The following OR3A2 variants were observed in gnomAD, a reference collection of about 807,000 sequenced individuals.
The protein encoded by OR3A2 is olfactory receptor 3A2.
For synonymous variants in OR3A2, 126 were observed against 159.3 expected (o/e 0.79, Z 1.57); for missense variants, 318 against 392.8 (o/e 0.81, Z 1.61).
At position 3,360,265 on chromosome 17, in the gene OR3A2, G is replaced by GT. The variant is rs1567567563; in HGVS notation, c.-179+23538dup. On this transcript the variant is annotated intron_variant, in intron 2 of 4. Transcript: ENST00000573491. ...TATCCTTCGCCCACTTTTTGATGGG[G>GT]TTGTTTTTTTCTTGTAAATTTGTTT... is the stretch of plus-strand genomic sequence containing the variant. Among the ~76,000 whole-genome samples, 58 of 150,740 alleles carry GT rather than the reference G, an allele frequency of 3.8e-4. 2 individuals carry two copies. Among genetic ancestry groups the GT allele is most frequent in the Middle Eastern group, 3.4e-3 (1 of 294 alleles).
intron 2 of OR3A2, among the ~76,000 whole-genome samples, chr17:3,350,588 G>A (rs1408893774): frequency 1.3e-4 from 19 of 150,194 alleles, no homozygotes; most frequent in South Asian, 4.2e-4. Context: ...ATTCACAGCC[G>A]AATTCTACCA....
chr17:3,296,339 T>C (rs2048917867), intron 3 of OR3A2, among the ~76,000 whole-genome samples: 1 of 152,084 alleles, frequency 6.6e-6, no homozygotes, highest in South Asian at 2.1e-4. Context: ...ATTAAATCAG[T>C]GTTCAGAAAA....
chr17:3,369,805 C>CTTTTTTTTT (rs35233474), intron 2 of OR3A2, among the ~76,000 whole-genome samples: 1 of 134,698 alleles, frequency 7.4e-6, no homozygotes, highest in African/African-American at 2.8e-5. Context: ...TAGATTGGTA[C>CTTTTTTTTT]TTTTTTTTTT....
At chr17:3,364,406 A>G (rs1034227634) in intron 2 of OR3A2, among the ~76,000 whole-genome samples, 3 of 152,170 alleles carry the variant, frequency 2.0e-5, no homozygotes, top group African/African-American at 7.2e-5. Flanking sequence ...GCTATTATTA[A>G]TTATGGTCCA....
At chr17:3,371,567 G>C (rs1195076741) in intron 2 of OR3A2, among the ~76,000 whole-genome samples, 2 of 141,882 alleles carry the variant, frequency 1.4e-5, no homozygotes, top group Admixed American at 6.9e-5. Flanking sequence ...CCGGGCGGGG[G>C]GCTGATTCCC....
chr17:3,385,708 G>A (rs753920593), intron 1 of OR3A2, among the ~76,000 whole-genome samples: 4 of 152,138 alleles, frequency 2.6e-5, no homozygotes, highest in Non-Finnish European at 5.9e-5. Flanking sequence ...TACCCACTAC[G>A]CTAGAACACT....
intron 3 of OR3A2, among the ~76,000 whole-genome samples, chr17:3,305,435 A>G (rs1294617064): frequency 6.6e-6 from 1 of 152,216 alleles, no homozygotes; most frequent in Admixed American, 6.5e-5. Flanking sequence ...AGTAATTTTT[A>G]CTTTTGTCAT....
At chr17:3,357,510 C>G (rs576696419) in intron 2 of OR3A2, among the ~76,000 whole-genome samples, 1 of 151,538 alleles carries the variant, frequency 6.6e-6, no homozygotes, top group Admixed American at 6.6e-5. Context: ...CTAGAATAGT[C>G]AAACTCAAAG....
chr17:3,312,749 C>G (rs909293442), intron 3 of OR3A2, among the ~76,000 whole-genome samples: 4 of 152,110 alleles, frequency 2.6e-5, no homozygotes, highest in African/African-American at 9.7e-5. Context: ...CTTAGCCTCC[C>G]GATAGCTGGG....
chr17:3,327,802 ATT>A (rs2049190174), intron 3 of OR3A2, among the ~76,000 whole-genome samples: 1 of 139,198 alleles, frequency 7.2e-6, no homozygotes, highest in African/African-American at 2.9e-5. Context: ...AGCACCATTT[ATT>A]AAATAGGGAA....
intron 2 of OR3A2, among the ~76,000 whole-genome samples, chr17:3,379,142 G>A (rs1223016728): frequency 6.6e-6 from 1 of 152,178 alleles, no homozygotes; most frequent in Non-Finnish European, 1.5e-5. Flanking sequence ...TCAAGCTAGA[G>A]AAGTTCATTC....
intron 2 of OR3A2, among the ~76,000 whole-genome samples, chr17:3,347,024 TATTG>T (rs2049370292): frequency 2.6e-5 from 4 of 152,312 alleles, no homozygotes; most frequent in South Asian, 2.1e-4. Flanking sequence ...CTCTTTGATA[TATTG>T]ATTTTCTTTC....
At chr17:3,370,013 A>G (rs1381914655) in intron 2 of OR3A2, among the ~76,000 whole-genome samples, 5 of 152,088 alleles carry the variant, frequency 3.3e-5, no homozygotes, top group African/African-American at 1.2e-4. Context: ...CATGTTGCCC[A>G]GGCTGGTCTC....
At chr17:3,366,964 G>A (rs986678219) in intron 2 of OR3A2, among the ~76,000 whole-genome samples, 2 of 152,170 alleles carry the variant, frequency 1.3e-5, no homozygotes, top group African/African-American at 2.4e-5. Context: ...ATAAGCCAGG[G>A]AGTGAGATTA....
intron 2 of OR3A2, among the ~76,000 whole-genome samples, chr17:3,359,387 G>A (rs2049490530): frequency 6.6e-6 from 1 of 151,670 alleles, no homozygotes; most frequent in South Asian, 2.1e-4. Context: ...GTGTGTTTAA[G>A]TATGTTTTTG....
intron 3 of OR3A2, chr17:3,298,164 G>C (rs1029223482): frequency 6.6e-6 from 1 of 152,136 alleles, no homozygotes; most frequent in African/African-American, 2.4e-5. Context: ...GGCTAGAAGA[G>C]TACACCCCAC....
chr17:3,366,493 A>G (rs1050500491), intron 2 of OR3A2, among the ~76,000 whole-genome samples: 2 of 152,232 alleles, frequency 1.3e-5, no homozygotes, highest in Non-Finnish European at 2.9e-5. Flanking sequence ...AAAGCTTGGA[A>G]ATCACAAAGA....
chr17:3,381,862 G>A lies in OR3A2; in HGVS notation c.-179+1942C>T, dbSNP rs2049739183. Among the ~76,000 whole-genome samples the A allele has an allele frequency of 3.3e-5, 5 of 152,168 alleles. No homozygotes were observed. In the South Asian group the frequency reaches 1.0e-3, roughly 32 times the overall value. ...CAGGAAAGTTAGGACAAAACCTTGTGCCGAGCCTGAGGTCAGATGAGGAAA... is the reference window on the plus strand; with the variant it reads ...CAGGAAAGTTAGGACAAAACCTTGTACCGAGCCTGAGGTCAGATGAGGAAA... On this transcript the variant is annotated intron_variant, in intron 2 of 4. Coordinates refer to the OR3A2 transcript ENST00000573491.
intron 2 of OR3A2, among the ~76,000 whole-genome samples, chr17:3,336,463 G>T (rs184061570): frequency 6.6e-6 from 1 of 152,110 alleles, no homozygotes; most frequent in African/African-American, 2.4e-5. Context: ...TGTGTAAGAA[G>T]TGTAACTAAT....
Sources: allele counts gnomAD v4.1 joint callset (sites outside exome capture counted in the v4.1 genomes callset), GRCh38; gene constraint gnomAD v4.1.1; transcripts MANE v1.5; gene names NCBI Gene and HGNC (gene_info 2026-07-23, HGNC 2026-07-21).